AFF2: variants seen among roughly 807,000 people sequenced by gnomAD.
The protein encoded by AFF2 is AF4/FMR2 family member 2.
A neutral mutation model predicts 76.9 loss-of-function variants in AFF2; 14 were observed. The ratio of observed to expected loss-of-function variants is 0.18; its 90% confidence interval spans 0.12 to 0.28. The LOEUF is 0.28. AFF2 is among the 10% of genes least tolerant of loss of function. The pLI, the probability that AFF2 is intolerant of heterozygous loss-of-function variation, is 1.00. For synonymous variants in AFF2, 398 were observed against 366.7 expected, an observed-to-expected ratio of 1.09 and a Z score of -0.98; for missense variants, 868 against 1,001.1, an observed-to-expected ratio of 0.87 and a Z score of 1.79.
chrX:148,621,364 C>CT (rs1258764114), intron 1 of AFF2, among the ~76,000 whole-genome samples: 5 of 110,566 alleles, frequency 4.5e-5, no homozygotes, highest in South Asian at 3.8e-4. Flanking sequence ...TCCATGTTGA[C>CT]TTTTTTTTGT....
intron 3 of AFF2, among the ~76,000 whole-genome samples, chrX:148,773,694 G>GA (rs1166751448): frequency 1.4e-5 from 1 of 73,020 alleles, no homozygotes; most frequent in Non-Finnish European, 2.5e-5. Flanking sequence ...AGGAAAGAAA[G>GA]AAAGAAAGAA....
At chrX:148,543,986 C>T (rs1270484602) in intron 1 of AFF2, among the ~76,000 whole-genome samples, 1 of 112,050 alleles carries the variant, frequency 8.9e-6, no homozygotes. Flanking sequence ...ATTACCTCCC[C>T]TGGGAGAAAG....
At chrX:148,908,738 A>G (rs1243359891) in intron 9 of AFF2, among the ~76,000 whole-genome samples, 1 of 112,578 alleles carries the variant, frequency 8.9e-6, no homozygotes, top group Non-Finnish European at 1.9e-5. Context: ...GGTTTCATAT[A>G]GCCCTTTGGT....
chrX:148,640,607 GA>G (rs1250504099), intron 1 of AFF2, among the ~76,000 whole-genome samples: 4 of 112,210 alleles, frequency 3.6e-5, no homozygotes, highest in African/African-American at 1.3e-4. Context: ...TAATCATATC[GA>G]GAGACAACGT....
chrX:148,839,816 C>G lies in AFF2; in HGVS notation c.1173+2083C>G, dbSNP rs782404333. 1.5e-3 allele frequency among the ~76,000 whole-genome samples: 169 copies of G among 109,869 alleles called. 1 individual carries two copies. The highest frequency in any genetic ancestry group is 2.0e-3 in the Non-Finnish European group (107 of 52,622). ...GCTGCCTTCCCAGCTGCTTTTAATC[C>G]TGGCACTGCCATTTGCTTGCTGTGT... On this transcript the variant is annotated intron_variant, in intron 5 of 20. Coordinates refer to ENST00000370460, the MANE Select transcript of AFF2 (RefSeq NM_002025.4).
At position 148,761,956 on chromosome X, in the gene AFF2, T is replaced by TATATAGATATAGATATAG. The variant is rs56137519; in HGVS notation, c.1042-47880_1042-47863dup. On this transcript the variant is annotated intron_variant, in intron 3 of 20. Transcript: ENST00000370460. ...ATGTATATGTGTGTGTGTATGTGTG[T>TATATAGATATAGATATAG]ATATAGATATAGATATAGATATAGA... Among the ~76,000 whole-genome samples the TATATAGATATAGATATAG allele has an allele frequency of 8.5e-3, 843 of 99,586 alleles. 6 individuals carry two copies. The highest frequency in any genetic ancestry group is 0.011 in the Non-Finnish European group (563 of 49,391). The allele number at this position is 99,586 out of a possible 115,157, so 86.5% of individuals were successfully genotyped here.
At chrX:148,914,368 G>T (rs1265837802) in intron 9 of AFF2, among the ~76,000 whole-genome samples, 1 of 111,696 alleles carries the variant, frequency 9.0e-6, no homozygotes, top group Non-Finnish European at 1.9e-5. Flanking sequence ...AAGAGTTGTT[G>T]CATGTGCCAG....
chrX:148,588,484 T>A (rs2053490923), intron 1 of AFF2, among the ~76,000 whole-genome samples: 1 of 112,427 alleles, frequency 8.9e-6, no homozygotes, highest in African/African-American at 3.2e-5. Context: ...CCAATGAAGA[T>A]CATATTGAGT....
intron 7 of AFF2, among the ~76,000 whole-genome samples, chrX:148,866,773 T>C (rs2070912562): frequency 8.9e-6 from 1 of 112,662 alleles, no homozygotes; most frequent in Non-Finnish European, 1.9e-5. Context: ...ATTTTGCATT[T>C]ATTCAATTTA....
At chrX:148,647,861 C>A (rs1410409548) in intron 1 of AFF2, among the ~76,000 whole-genome samples, 1 of 111,331 alleles carries the variant, frequency 9.0e-6, no homozygotes, top group Non-Finnish European at 1.9e-5. Context: ...TAAACAGTCT[C>A]TGTTGTAAAA....
chrX:148,739,901 A>G (rs932378357), intron 3 of AFF2, among the ~76,000 whole-genome samples: 1 of 111,548 alleles, frequency 9.0e-6, no homozygotes, highest in African/African-American at 3.3e-5. Context: ...TTTCCTTCAT[A>G]TATGATGTGT....
At chrX:148,754,410 G>A (rs189037934) in intron 3 of AFF2, among the ~76,000 whole-genome samples, 18 of 110,078 alleles carry the variant, frequency 1.6e-4, no homozygotes, top group African/African-American at 5.6e-4. Context: ...CTGGGAAACA[G>A]GAGCTGATAA....
At chrX:148,528,353 A>T (rs2052688432) in intron 1 of AFF2, among the ~76,000 whole-genome samples, 1 of 111,761 alleles carries the variant, frequency 8.9e-6, no homozygotes, top group Non-Finnish European at 1.9e-5. Flanking sequence ...TTCTCATTTA[A>T]AGGGAAACTG....
intron 1 of AFF2, among the ~76,000 whole-genome samples, chrX:148,541,591 G>A (rs1268241043): frequency 1.8e-5 from 2 of 111,422 alleles, no homozygotes; most frequent in Non-Finnish European, 3.8e-5. Flanking sequence ...AGGCCTCCCT[G>A]ACTGTCCTTT....
intron 4 of AFF2, among the ~76,000 whole-genome samples, chrX:148,820,155 G>A (rs781895422): frequency 9.0e-6 from 1 of 111,384 alleles, no homozygotes; most frequent in African/African-American, 3.3e-5. Context: ...TATTTACAAA[G>A]AATTCTGCTT....
chrX:148,552,116 C>G (rs1250479672), intron 1 of AFF2, among the ~76,000 whole-genome samples: 1 of 112,638 alleles, frequency 8.9e-6, no homozygotes, highest in African/African-American at 3.2e-5. Context: ...ATGGACCCCA[C>G]CATGTGTACC....
At chrX:148,814,479 C>T (rs1219333124) in intron 4 of AFF2, among the ~76,000 whole-genome samples, 1 of 112,256 alleles carries the variant, frequency 8.9e-6, no homozygotes, top group African/African-American at 3.2e-5. Flanking sequence ...CCTAGCAAAG[C>T]ACCTTCTGTG....
intron 1 of AFF2, among the ~76,000 whole-genome samples, chrX:148,605,675 G>C (rs2053665523): frequency 8.9e-6 from 1 of 111,873 alleles, no homozygotes; most frequent in South Asian, 3.7e-4. Flanking sequence ...GTGTCAAAAG[G>C]ACAAAGAACA....
intron 1 of AFF2, among the ~76,000 whole-genome samples, chrX:148,550,048 T>G (rs781914703): frequency 1.6e-4 from 18 of 111,866 alleles, no homozygotes; most frequent in Non-Finnish European, 3.4e-4. Flanking sequence ...TAAGACTGGA[T>G]TTTTGTTAGA....
Sources: gnomAD v4.1 joint callset for allele counts (sites outside exome capture counted in the v4.1 genomes callset) on GRCh38, gnomAD v4.1.1 for gene constraint, MANE v1.5 for transcripts, NCBI Gene and HGNC (gene_info 2026-07-23, HGNC 2026-07-21) for gene names.